The following KIF6 variants were observed in gnomAD, a reference collection of about 807,000 sequenced individuals.
KIF6 encodes kinesin-like protein KIF6.
In KIF6, 106 loss-of-function variants were observed where a neutral mutation model predicts 112.7. The ratio of observed to expected loss-of-function variants is 0.94; its 90% CI spans 0.80 to 1.11. The LOEUF is 1.11. Among genes scored for constraint, KIF6 ranks in the 50% least tolerant of loss-of-function variants. The pLI is 0.00. For synonymous variants in KIF6, 339 were observed against 339.9 expected (o/e 1.00, Z 0.03); for missense variants, 929 against 964.0 (o/e 0.96, Z 0.48).
At chr6:39,448,300 G>C (rs1772457636) in intron 13 of KIF6, among the ~76,000 whole-genome samples, 1 of 151,984 alleles carries the variant, frequency 6.6e-6, no homozygotes, top group African/African-American at 2.4e-5. Context: ...TCAGCCTCCT[G>C]AGTAGCTGGG....
intron 13 of KIF6, among the ~76,000 whole-genome samples, chr6:39,481,569 T>C (rs2150458095): frequency 6.6e-6 from 1 of 152,294 alleles, no homozygotes; most frequent in South Asian, 2.1e-4. Context: ...CAGACTAATC[T>C]TCCCAAATAC....
intron 2 of KIF6, 27 bp from the exon 3 acceptor site, chr6:39,714,793 TAA>T: frequency 7.0e-7 from 1 of 1,431,954 alleles, no homozygotes; most frequent in Non-Finnish European, 9.8e-7. Context: ...AGTAATTATT[TAA>T]AAGCTGCACC....
chr6:39,343,774 T>C lies in KIF6; in HGVS notation c.2363A>G (p.Asp788Gly). Residue 788 changes from aspartate to glycine, a missense_variant, in exon 22 of 23, where the codon GAC becomes GGC. By Grantham distance (94) the Asp-to-Gly change is moderately conservative. Transcript: ENST00000287152. The surrounding 1 kb of genome is among the most constrained non-coding windows in gnomAD (Gnocchi z 4.1). ...RPVSSIPLTG[D>G]SQTDSDIIAF... ...GATGATGTCCGAGTCCGTCTGGCTG[T>C]CTCCGGTGAGAGGGATGGACGACAC... The C allele has an allele frequency of 6.2e-7, 1 of 1,612,830 alleles. No individual in the cohort carries two copies. Among genetic ancestry groups the C allele is most frequent in the Non-Finnish European group, 8.5e-7 (1 of 1,179,494 alleles).
chr6:39,425,571 G>A (rs1386896336), intron 14 of KIF6, among the ~76,000 whole-genome samples: 2 of 151,842 alleles, frequency 1.3e-5, no homozygotes, highest in African/African-American at 2.4e-5. Context: ...CCTACTTCTC[G>A]GAAGCTGTAA....
At chr6:39,715,161 C>T (rs1308953727) in intron 2 of KIF6, among the ~76,000 whole-genome samples, 13 of 152,154 alleles carry the variant, frequency 8.5e-5, no homozygotes, top group Non-Finnish European at 1.8e-4. Context: ...TAATATCTGA[C>T]CTGTGAGAAA....
intron 16 of KIF6, among the ~76,000 whole-genome samples, chr6:39,368,903 A>C (rs1036331263): frequency 6.6e-6 from 1 of 152,162 alleles, no homozygotes; most frequent in African/African-American, 2.4e-5. Context: ...AGGGGAAGTG[A>C]GTTATGTGGC....
Position 39,345,780 on chromosome 6 carries a change from A to G in KIF6, c.2241T>C (p.Asn747=), listed in dbSNP as rs1763661356. ...AAGGCGAGGGCAGGATTTTCCTGGC[A>G]TTCACATCACTGCAAAACACAAACA... ...GTGRFDVCDV[N]ARKILPSPCP... is the part of the protein sequence containing the mutation. The change falls in exon 21 of 23, where the codon AAT becomes AAC. Residue 747 remains asparagine (N), a synonymous_variant. Transcript: ENST00000287152. 2 of 1,613,728 alleles carry G rather than the reference A, an allele frequency of 1.2e-6. No individual in the cohort carries two copies. Among genetic ancestry groups the G allele is most frequent in the Non-Finnish European group, 1.7e-6 (2 of 1,179,796 alleles).
intron 1 of KIF6, among the ~76,000 whole-genome samples, chr6:39,722,159 T>C (rs982389136): frequency 6.6e-6 from 1 of 151,760 alleles, no homozygotes; most frequent in Non-Finnish European, 1.5e-5. Flanking sequence ...AAAAAAAAAG[T>C]TTTATAGCCA....
At chr6:39,554,988 C>T (rs530008175) in intron 10 of KIF6, 140 of 161,880 alleles carry the variant, frequency 8.6e-4, no homozygotes, top group Non-Finnish European at 1.4e-3. Context: ...GACTGTCTGA[C>T]CTGGAGGCTG....
chr6:39,514,647 C>T (rs1776963400), intron 13 of KIF6, among the ~76,000 whole-genome samples: 1 of 152,096 alleles, frequency 6.6e-6, no homozygotes, highest in Admixed American at 6.6e-5. Flanking sequence ...TGCTGACAAA[C>T]ATATATAGAA....
intron 10 of KIF6, among the ~76,000 whole-genome samples, chr6:39,571,187 A>G (rs1780619738): frequency 6.6e-6 from 1 of 151,720 alleles, no homozygotes; most frequent in Non-Finnish European, 1.5e-5. Flanking sequence ...TCCCTTTTTT[A>G]CCCCTTTTAT....
chr6:39,680,243 A>G (rs1175980791), intron 3 of KIF6, among the ~76,000 whole-genome samples: 2 of 144,270 alleles, frequency 1.4e-5, no homozygotes, highest in Non-Finnish European at 3.1e-5. Flanking sequence ...CCTGACCTCA[A>G]GTGACCCGCC....
chr6:39,508,536 CA>C (rs1776574079), intron 13 of KIF6, among the ~76,000 whole-genome samples: 1 of 152,072 alleles, frequency 6.6e-6, no homozygotes, highest in African/African-American at 2.4e-5. Flanking sequence ...ACAGTCTTTG[CA>C]AATGGCAGAC....
At position 39,615,171 on chromosome 6, in the gene KIF6, T is replaced by TA. The variant is rs763197988; in HGVS notation, c.510-1854dup. ...CTGGGAGACGGAGCGAGGCCTTTTC[T>TA]AAAAAAAAAAAAATAACTACATAAA... On this transcript the variant is annotated intron_variant, in intron 5 of 22. Transcript: ENST00000287152. Among the ~76,000 whole-genome samples the TA allele has an allele frequency of 8.5e-3, 1,160 of 136,096 alleles. 4 individuals are homozygous for TA. The highest frequency in any genetic ancestry group is 0.02 in the South Asian group (87 of 4,306). The allele number at this position is 136,096 out of a possible 152,430, so 89.3% of individuals were successfully genotyped here.
At chr6:39,694,640 A>G (rs772240860) in intron 3 of KIF6, among the ~76,000 whole-genome samples, 1 of 152,204 alleles carries the variant, frequency 6.6e-6, no homozygotes, top group Non-Finnish European at 1.5e-5. Flanking sequence ...AAGAAGAATG[A>G]CAAGACACTG....
intron 7 of KIF6, among the ~76,000 whole-genome samples, chr6:39,594,972 T>C (rs1045011371): frequency 4.0e-5 from 6 of 151,630 alleles, no homozygotes; most frequent in Middle Eastern, 3.4e-3. Flanking sequence ...TAGAGATGAA[T>C]TTTTTTTTCT....
intron 3 of KIF6, among the ~76,000 whole-genome samples, chr6:39,700,442 C>T (rs956890323): frequency 2.0e-5 from 3 of 152,148 alleles, no homozygotes; most frequent in African/African-American, 4.8e-5. Context: ...AGATTTAACC[C>T]TACATGCAAG....
At chr6:39,545,749 C>G in intron 10 of KIF6, 61 bp from the exon 11 acceptor site, 1 of 1,001,360 alleles carries the variant, frequency 1.0e-6, no homozygotes, top group South Asian at 1.3e-5. Context: ...ATTCTAATGG[C>G]ATTATCTAGT....
chr6:39,606,152 C>G (rs1368326291), intron 6 of KIF6, among the ~76,000 whole-genome samples: 1 of 151,594 alleles, frequency 6.6e-6, no homozygotes, highest in East Asian at 1.9e-4. Context: ...TATATCTTCT[C>G]TTCCTCTTCT....
Sources: allele counts gnomAD v4.1 joint callset (sites outside exome capture counted in the v4.1 genomes callset), GRCh38; gene constraint gnomAD v4.1.1; non-coding constraint Gnocchi (gnomAD v3.1); transcripts MANE v1.5; gene names NCBI Gene and HGNC (gene_info 2026-07-23, HGNC 2026-07-21).